GNAT2: variants seen among roughly 807,000 people sequenced by gnomAD.
GNAT2 encodes G protein subunit alpha transducin 2, also known as guanine nucleotide-binding protein G(t) subunit alpha-2.
GNAT2 carries 32 observed loss-of-function variants against 40.9 expected under a neutral mutation model. The ratio of observed to expected loss-of-function variants is 0.78; its 90% confidence interval spans 0.59 to 1.05. The LOEUF (loss-of-function observed/expected upper bound fraction) is 1.05, where lower values mean the gene tolerates loss of function less well. GNAT2 is among the 50% of genes least tolerant of loss of function. The pLI, the probability that GNAT2 is intolerant of heterozygous loss-of-function variation, is 0.00. For missense variants in GNAT2, 355 were observed against 431.5 expected (o/e 0.82, Z 1.57); for synonymous variants, 141 against 157.2 (o/e 0.90, Z 0.77).
chr1:109,610,229 C>A, intron 3 of GNAT2, 48 bp from the exon 4 acceptor site: 3 of 1,597,138 alleles, frequency 1.9e-6, no homozygotes, highest in Non-Finnish European at 2.6e-6. Context: ...AGTAACCAGA[C>A]CTAAGGGATT....
chr1:109,614,062 G>C (rs1249089762), intron 1 of GNAT2: 3 of 152,196 alleles, frequency 2.0e-5, no homozygotes, highest in African/African-American at 7.2e-5. Context: ...GTTGCTGGCG[G>C]AGCCTCCTCA....
intron 5 of GNAT2, 112 bp downstream of exon 5, chr1:109,608,519 C>T: frequency 1.0e-6 from 1 of 988,820 alleles, no homozygotes; most frequent in Non-Finnish European, 1.6e-6. Flanking sequence ...GTCTGGGTCT[C>T]CAGCTTTCAA....
rs772274756 is a variant in GNAT2 at position 109,605,956 on chromosome 1, C to T, written c.720+14G>A. The T allele has an allele frequency of 6.2e-7, 1 of 1,612,466 alleles. No individual in the cohort carries two copies. Among genetic ancestry groups the T allele is most frequent in the South Asian group, 1.1e-5 (1 of 91,024 alleles). On this transcript the variant is annotated intron_variant, in intron 7 of 8. Coordinates refer to ENST00000679935, the MANE Select transcript of GNAT2 (RefSeq NM_001377295.2). ...CTTGTTCTACCAAAGCTGCTTGATGCAAAGGCCACTCACCACTTCGTCATC... is the reference window on the plus strand; with the variant it reads ...CTTGTTCTACCAAAGCTGCTTGATGTAAAGGCCACTCACCACTTCGTCATC...
chr1:109,605,800 G>T, intron 7 of GNAT2, 170 bp downstream of exon 7: 1 of 656,110 alleles, frequency 1.5e-6, no homozygotes, highest in Non-Finnish European at 2.8e-6. Context: ...TCTAGAACCT[G>T]CAGAAGAAGT....
intron 5 of GNAT2, 170 bp downstream of exon 5, chr1:109,608,461 T>C (rs1187037227): frequency 1.4e-6 from 1 of 701,340 alleles, no homozygotes; most frequent in Non-Finnish European, 2.6e-6. Flanking sequence ...AGCATTAAAT[T>C]CAAAACATTG....
rs1187802718 is a variant in GNAT2 at position 109,619,488 on chromosome 1, C to T, written c.-59G>A. The T allele has an allele frequency of 1.3e-5, 2 of 152,278 alleles. No homozygotes were observed. The highest frequency in any genetic ancestry group is 2.9e-5 in the Non-Finnish European group (2 of 68,046). 9.4% of individuals were successfully genotyped at this position (152,278 alleles called of 1,614,324 possible). On this transcript the variant is annotated 5_prime_UTR_variant, in exon 1 of 9. Coordinates refer to ENST00000679935, the MANE Select transcript of GNAT2 (RefSeq NM_001377295.2). ...TGCAGGGCACAGCCTCCTACCTACGCCGGCCGGAAGAAAACAGACGACCAA... is the reference window on the plus strand; with the variant it reads ...TGCAGGGCACAGCCTCCTACCTACGTCGGCCGGAAGAAAACAGACGACCAA...
rs1278438924 is a variant in GNAT2 at position 109,610,600 on chromosome 1, T to TG, written c.119-94dup. 1.3e-5 allele frequency: 13 copies of TG among 1,035,530 alleles called. No individual in the cohort carries two copies. The East Asian group carries it at 2.7e-4, about 21-fold the overall frequency. The allele number at this position is 1,035,530 out of a possible 1,614,324, so 64.1% of individuals were successfully genotyped here. ...GGAGAAGTCAGAGCCACTGCTTGCT[T>TG]GGGGGTCTTGTTAGGGGAGAATACA... On this transcript the variant is annotated intron_variant, in intron 2 of 8. Transcript: ENST00000679935.
chr1:109,616,742 A>G (rs766739700), intron 1 of GNAT2: 6 of 152,256 alleles, frequency 3.9e-5, no homozygotes, highest in Non-Finnish European at 8.8e-5. Context: ...TGAAATGAAT[A>G]GACTTTCCAC....
At chr1:109,608,886 C>T (rs901520101) in intron 4 of GNAT2, 98 bp from the exon 5 acceptor site, 30 of 936,458 alleles carry the variant, frequency 3.2e-5, no homozygotes, top group African/African-American at 1.5e-4. Context: ...TACATTACTA[C>T]GAAGACCTAA....
intron 2 of GNAT2, chr1:109,611,361 T>C (rs1444793651): frequency 6.6e-6 from 1 of 152,184 alleles, no homozygotes; most frequent in Non-Finnish European, 1.5e-5. Context: ...GTATTTTTAG[T>C]AGAAATGGGG....
chr1:109,610,555 G>C (rs1217204374), intron 2 of GNAT2, 48 bp from the exon 3 acceptor site: 1 of 1,543,798 alleles, frequency 6.5e-7, no homozygotes, highest in Non-Finnish European at 9.0e-7. Flanking sequence ...GTTCTCCTCA[G>C]CCTTCCAGGA....
intron 8 of GNAT2, 87 bp from the exon 9 acceptor site, chr1:109,603,631 G>T: frequency 1.1e-6 from 1 of 909,956 alleles, no homozygotes; most frequent in Non-Finnish European, 1.8e-6. Context: ...CTTGATCCTT[G>T]AAATGTTATT....
chr1:109,604,454 A>C (rs1385519428), intron 7 of GNAT2: 9 of 293,418 alleles, frequency 3.1e-5, no homozygotes, highest in Non-Finnish European at 6.0e-5. Context: ...AGCAGCCAGG[A>C]TGCAACTGAG....
At position 109,607,074 on chromosome 1, in the gene GNAT2, A is replaced by G. The variant is rs572197491; in HGVS notation, c.462-638T>C. Reference sequence around the variant, plus strand: ...AAATAAGATTGGCCATGAGTTGATAACTGTTGAAGGTAATTCATTATGTTA... The same window carrying G: ...AAATAAGATTGGCCATGAGTTGATAGCTGTTGAAGGTAATTCATTATGTTA... On this transcript the variant is annotated intron_variant, in intron 5 of 8. Coordinates refer to ENST00000679935, the MANE Select transcript of GNAT2 (RefSeq NM_001377295.2). 13 of 153,392 alleles carry G rather than the reference A, an allele frequency of 8.5e-5. No individual in the cohort carries two copies. The East Asian group carries it at 2.5e-3, about 30-fold the overall frequency. The allele number at this position is 153,392 out of a possible 1,614,324, so 9.5% of individuals were successfully genotyped here. A position where few individuals can be genotyped will look rare whatever the true frequency, so the allele number is the denominator to read the frequency against.
Position 109,603,394 on chromosome 1 carries a change from A to G in GNAT2, c.1025T>C (p.Ile342Thr), listed in dbSNP as rs758178456. 9 of 1,605,244 alleles carry G rather than the reference A, an allele frequency of 5.6e-6. No homozygotes were observed. The highest frequency in any genetic ancestry group is 2.2e-5 in the East Asian group (1 of 44,846). ...GTCCTTGAGGTTTTCTTTGATGATA[A>G]TATCTGTAACTGCATCAAACACAAA... ...VKFVFDAVTD[I>T]IIKENLKDCG... Residue 342 changes from isoleucine to threonine, a missense_variant, in exon 9 of 9, where the codon ATT becomes ACT. Coordinates refer to ENST00000679935, the MANE Select transcript of GNAT2 (RefSeq NM_001377295.2).
rs753902314 is a variant in GNAT2 at position 109,603,347 on chromosome 1, G to A, written c.*7C>T. 2.6e-6 allele frequency: 4 copies of A among 1,512,054 alleles called. No individual in the cohort carries two copies. Among genetic ancestry groups the A allele is most frequent in the Non-Finnish European group, 2.8e-6 (3 of 1,087,846 alleles). The allele number at this position is 1,512,054 out of a possible 1,614,324, so 93.7% of individuals were successfully genotyped here. Reference sequence around the variant, plus strand: ...TTATAGAACTTATACCTGAGGAATGGTGAGGATTAGAAGAGGCCGCAGTCC... The same window carrying A: ...TTATAGAACTTATACCTGAGGAATGATGAGGATTAGAAGAGGCCGCAGTCC... On this transcript the variant is annotated 3_prime_UTR_variant, in exon 9 of 9. Transcript: ENST00000679935.
chr1:109,608,088 C>T (rs1649665492), intron 5 of GNAT2: 2 of 183,194 alleles, frequency 1.1e-5, no homozygotes, highest in Admixed American at 1.1e-4. Flanking sequence ...TCCTGACCAC[C>T]TTCCCTTGGT....
intron 7 of GNAT2, 36 bp from the exon 8 acceptor site, chr1:109,604,140 T>C: frequency 6.4e-7 from 1 of 1,559,478 alleles, no homozygotes; most frequent in Non-Finnish European, 8.8e-7. Context: ...ATATCAGATT[T>C]GGCTTATAGA....
At chr1:109,618,588 G>A (rs1196191005) in intron 1 of GNAT2, among the ~76,000 whole-genome samples, 1 of 152,234 alleles carries the variant, frequency 6.6e-6, no homozygotes, top group Non-Finnish European at 1.5e-5. Flanking sequence ...AAGGCCACCA[G>A]TAATGTGTTT....
Sources: allele counts gnomAD v4.1 joint callset (sites outside exome capture counted in the v4.1 genomes callset), GRCh38; gene constraint gnomAD v4.1.1; transcripts MANE v1.5; gene names NCBI Gene and HGNC (gene_info 2026-07-23, HGNC 2026-07-21).